Variants in ADAMTSL3 observed in about 807,000 individuals in gnomAD.
ADAMTSL3 encodes the protein ADAMTS-like protein 3.
In ADAMTSL3, 128 loss-of-function variants were observed where a neutral mutation model predicts 201.7. That is an observed-to-expected ratio of 0.63 (90% CI 0.55 to 0.73). The LOEUF (loss-of-function observed/expected upper bound fraction) is 0.73, where lower values mean the gene tolerates loss of function less well. Among genes scored for constraint, ADAMTSL3 ranks in the 30% least tolerant of loss-of-function variants. The probability of loss-of-function intolerance (pLI) is 0.00; values close to 1 mark genes in which losing one functional copy is unlikely to be tolerated. For synonymous variants in ADAMTSL3, 738 were observed against 748.4 expected (o/e 0.99, Z 0.23); for missense variants, 1,990 against 2,119.6 (o/e 0.94, Z 1.20).
chr15:83,999,660 G>C lies in ADAMTSL3; in HGVS notation c.3973+8446G>C, dbSNP rs574439423. 8.3e-4 allele frequency among the ~76,000 whole-genome samples: 126 copies of C among 152,334 alleles called. 1 individual carries two copies. The highest frequency in any genetic ancestry group is 3.0e-3 in the African/African-American group (124 of 41,576). On this transcript the variant is annotated intron_variant, in intron 23 of 29. Coordinates refer to ENST00000286744, the MANE Select transcript of ADAMTSL3 (RefSeq NM_207517.3). ...GAAGTGAGCATCTCACTGGGTCAAA[G>C]CAGGGCACTTGGTGCTCCAAGAGGT...
At chr15:83,703,181 C>T (rs990892033) in intron 2 of ADAMTSL3, among the ~76,000 whole-genome samples, 11 of 152,088 alleles carry the variant, frequency 7.2e-5, no homozygotes, top group African/African-American at 2.7e-4. Context: ...CTGTGTTTAT[C>T]CAATACCTAT....
At chr15:83,992,741 CAAGTA>C (rs765236439) in intron 23 of ADAMTSL3, among the ~76,000 whole-genome samples, 44 of 152,318 alleles carry the variant, frequency 2.9e-4, no homozygotes, top group Admixed American at 5.2e-4. Context: ...GTGGAAACTG[CAAGTA>C]AAGCCTCCAG....
At chr15:83,670,258 C>CAAAAA (rs60947988) in intron 2 of ADAMTSL3, among the ~76,000 whole-genome samples, 95 of 64,434 alleles carry the variant, frequency 1.5e-3, no homozygotes, top group Non-Finnish European at 2.0e-3. Flanking sequence ...ACTCTGTCTC[C>CAAAAA]AAAAAAAAAA....
chr15:83,943,173 ACTG>A, intron 19 of ADAMTSL3, 91 bp downstream of exon 19: 2 of 1,417,288 alleles, frequency 1.4e-6, no homozygotes, highest in Non-Finnish European at 1.9e-6. Context: ...GGCTGGAACT[ACTG>A]TGAGATGAGT....
rs2068549804 is a variant in ADAMTSL3, at chr15:84,038,559, A to G, written c.*753A>G. The stretch of plus-strand genomic sequence containing the variant: ...CGTAGTATATTCAGAGCTTTCTTTT[A>G]AGAGCTGTGAATGAAACTTTTTCTA... On this transcript the variant is annotated 3_prime_UTR_variant, in exon 30 of 30. Transcript: ENST00000286744. 1 of 152,648 alleles carries G rather than the reference A, an allele frequency of 6.6e-6. No homozygotes were observed. 9.5% of individuals were successfully genotyped at this position (152,648 alleles called of 1,614,324 possible).
chr15:83,869,884 G>A (rs763800468), intron 8 of ADAMTSL3, among the ~76,000 whole-genome samples: 7 of 152,020 alleles, frequency 4.6e-5, no homozygotes, highest in Non-Finnish European at 1.0e-4. Flanking sequence ...GAAAGTTAGA[G>A]AAAAATACGG....
chr15:83,993,877 G>GTTTTA (rs1165614655), intron 23 of ADAMTSL3, among the ~76,000 whole-genome samples: 1 of 152,154 alleles, frequency 6.6e-6, no homozygotes, highest in African/African-American at 2.4e-5. Context: ...GTTGCTGCAT[G>GTTTTA]TTTTATTTTC....
intron 9 of ADAMTSL3, among the ~76,000 whole-genome samples, chr15:83,871,716 G>A (rs2065084114): frequency 6.6e-6 from 1 of 152,158 alleles, no homozygotes; most frequent in South Asian, 2.1e-4. Flanking sequence ...AGGACATGAA[G>A]TATAGTGGCC....
At chr15:83,895,600 C>T (rs1252886128) in intron 13 of ADAMTSL3, among the ~76,000 whole-genome samples, 2 of 152,094 alleles carry the variant, frequency 1.3e-5, no homozygotes, top group East Asian at 1.9e-4. Flanking sequence ...GTTCTGGAAC[C>T]GTTGTAAACA....
intron 2 of ADAMTSL3, among the ~76,000 whole-genome samples, chr15:83,686,443 A>G (rs1232884864): frequency 2.0e-5 from 3 of 152,240 alleles, no homozygotes; most frequent in African/African-American, 7.2e-5. Flanking sequence ...GTCTTGGATT[A>G]TGCACAACAT....
chr15:83,901,060 T>C (rs1184123347), intron 15 of ADAMTSL3, among the ~76,000 whole-genome samples: 1 of 152,162 alleles, frequency 6.6e-6, no homozygotes, highest in African/African-American at 2.4e-5. Flanking sequence ...AAGGCACATG[T>C]GGCAAAGTGA....
rs75680838 is a variant in ADAMTSL3 at position 83,657,900 on chromosome 15, G to A, written c.69+2070G>A. On this transcript the variant is annotated intron_variant, in intron 2 of 29. Coordinates refer to ENST00000286744, the MANE Select transcript of ADAMTSL3 (RefSeq NM_207517.3). Reference sequence around the variant, plus strand: ...GTGGGTTGGATGCTCTGTTTTTTCCGTAGGGTCAGCCTGGGTTTGACTCAA... The same window carrying A: ...GTGGGTTGGATGCTCTGTTTTTTCCATAGGGTCAGCCTGGGTTTGACTCAA... Among the ~76,000 whole-genome samples the A allele has an allele frequency of 8.7e-3, 1,323 of 152,250 alleles. 18 individuals carry two copies. The highest frequency in any genetic ancestry group is 0.03 in the African/African-American group (1,254 of 41,526).
At chr15:83,801,777 C>T (rs1055780627) in intron 4 of ADAMTSL3, among the ~76,000 whole-genome samples, 3 of 144,266 alleles carry the variant, frequency 2.1e-5, no homozygotes, top group African/African-American at 7.6e-5. Flanking sequence ...GAATTATAGG[C>T]ATTTATGGCA....
intron 3 of ADAMTSL3, among the ~76,000 whole-genome samples, chr15:83,716,608 T>TCG: frequency 6.6e-6 from 1 of 150,772 alleles, no homozygotes; most frequent in Non-Finnish European, 1.5e-5. Context: ...CTTTATTTCT[T>TCG]TGTGTGTGTG....
At chr15:83,760,214 C>T (rs2062785902) in intron 3 of ADAMTSL3, among the ~76,000 whole-genome samples, 1 of 152,098 alleles carries the variant, frequency 6.6e-6, no homozygotes, top group African/African-American at 2.4e-5. Context: ...GCTTTAGCTG[C>T]TTTACTCACG....
chr15:84,014,710 T>C lies in ADAMTSL3; in HGVS notation c.4142T>C (p.Val1381Ala), dbSNP rs776103135. 3.7e-6 allele frequency: 6 copies of C among 1,611,304 alleles called. No homozygotes were observed. In the Admixed American group the frequency reaches 1.0e-4, roughly 27 times the overall value. The part of the protein sequence containing the change: ...NALGKAVATS[V>A]LHLLERRWPE... ...CTTGGAAAGGCAGTGGCAACATCTG[T>C]ACTCCACTTGCTGGGTAAGTGTCAA... The change falls in exon 24 of 30, where the codon GTA becomes GCA. Residue 1381 changes from valine (V) to alanine (A), a missense_variant. Coordinates refer to ENST00000286744, the MANE Select transcript of ADAMTSL3 (RefSeq NM_207517.3).
intron 15 of ADAMTSL3, among the ~76,000 whole-genome samples, chr15:83,906,614 GCCACACACCACACAC>G (rs1483505804): frequency 6.1e-5 from 4 of 65,994 alleles, no homozygotes; most frequent in African/African-American, 1.8e-4. Flanking sequence ...TTTATATAGT[GCCACACACCACACAC>G]ACACACACAC....
At position 83,858,786 on chromosome 15, in the gene ADAMTSL3, G is replaced by A; in HGVS notation, c.748G>A (p.Val250Ile). 1 of 1,613,776 alleles carries A rather than the reference G, an allele frequency of 6.2e-7. No homozygotes were observed. The highest frequency in any genetic ancestry group is 8.5e-7 in the Non-Finnish European group (1 of 1,179,790). Residue 250 changes from valine (V) to isoleucine (I), a missense_variant, in exon 8 of 30, where the codon GTT (valine) becomes ATT (isoleucine). Transcript: ENST00000286744. ...PEKREENVIA[V>I]PLGSRSVRIT... ...CCCAGGAGAAGAAAATGTAATTGCT[G>A]TTCCTTTGGGAAGTCGAAGTGTGAG...
intron 3 of ADAMTSL3, chr15:83,740,101 C>T (rs947881502): frequency 1.4e-5 from 4 of 285,068 alleles, no homozygotes; most frequent in Admixed American, 3.5e-5. Flanking sequence ...GTGCCGGTGG[C>T]CACTTACACC....
Sources: allele counts gnomAD v4.1 joint callset (sites outside exome capture counted in the v4.1 genomes callset), GRCh38; gene constraint gnomAD v4.1.1; transcripts MANE v1.5; gene names NCBI Gene and HGNC (gene_info 2026-07-23, HGNC 2026-07-21).